Variants in DNAAF5 observed in about 807,000 individuals in gnomAD.
The protein encoded by DNAAF5 is dynein axonemal assembly factor 5.
A neutral mutation model predicts 75.8 loss-of-function variants in DNAAF5; 64 were observed. The ratio of observed to expected loss-of-function variants is 0.84; its 90% confidence interval spans 0.69 to 1.04. The LOEUF is 1.04. DNAAF5 is among the 50% of genes least tolerant of loss of function. The pLI, the probability that DNAAF5 is intolerant of heterozygous loss-of-function variation, is 0.00. For synonymous variants in DNAAF5, 657 were observed against 557.2 expected (o/e 1.18, Z -2.52); for missense variants, 1,269 against 1,178.5 (o/e 1.08, Z -1.12).
rs200806559 is a variant in DNAAF5, at chr7:763,904, C to G, written c.1713C>G (p.Thr571=). The change falls in exon 8 of 13, where the codon ACC becomes ACG. Residue 571 remains threonine, a synonymous_variant. Transcript: ENST00000297440. ...TTGGTCCCCTCCTGGAGCGGGTGACCGCGTCGCACCTTGACTGGACCGCAC... is the reference window on the plus strand; with the variant it reads ...TTGGTCCCCTCCTGGAGCGGGTGACGGCGTCGCACCTTGACTGGACCGCAC... The part of the protein sequence containing the change: ...KHIGPLLERV[T]ASHLDWTAHS... The G allele has an allele frequency of 1.9e-6, 3 of 1,612,216 alleles. No homozygotes were observed. The Admixed American group carries it at 5.0e-5, about 27-fold the overall frequency.
intron 10 of DNAAF5, 48 bp downstream of exon 10, chr7:774,246 A>G (rs777194299): frequency 1.3e-6 from 2 of 1,535,902 alleles, no homozygotes; most frequent in Non-Finnish European, 1.7e-6. Flanking sequence ...GGGACTGCGC[A>G]GGCTTCCTGG....
intron 4 of DNAAF5, among the ~76,000 whole-genome samples, chr7:746,810 T>G (rs1359017519): frequency 6.6e-6 from 1 of 152,188 alleles, no homozygotes; most frequent in Non-Finnish European, 1.5e-5. Flanking sequence ...TGTGGGCATC[T>G]CCACCGCCCA....
chr7:739,577 C>T (rs1000958955), intron 2 of DNAAF5, among the ~76,000 whole-genome samples: 1 of 152,256 alleles, frequency 6.6e-6, no homozygotes, highest in African/African-American at 2.4e-5. Flanking sequence ...CCCTCGCGTG[C>T]TTCCCTGCTG....
At chr7:759,726 C>G (rs753859737) in intron 6 of DNAAF5, among the ~76,000 whole-genome samples, 6 of 152,114 alleles carry the variant, frequency 3.9e-5, no homozygotes, top group Admixed American at 1.3e-4. Flanking sequence ...TCCTCAGAGA[C>G]GGTGCTGCGT....
At chr7:784,600 C>T (rs972476589) in intron 12 of DNAAF5, among the ~76,000 whole-genome samples, 5 of 152,170 alleles carry the variant, frequency 3.3e-5, no homozygotes, top group African/African-American at 1.2e-4. Flanking sequence ...CACCACGAGC[C>T]CCTGACACGT....
chr7:770,915 C>G (rs1375883776), intron 9 of DNAAF5: 2 of 309,608 alleles, frequency 6.5e-6, no homozygotes, highest in Non-Finnish European at 1.2e-5. Context: ...GCAGTGACCC[C>G]TGAGCTTAAC....
chr7:782,605 C>T (rs199817328), intron 12 of DNAAF5, among the ~76,000 whole-genome samples: 6 of 147,716 alleles, frequency 4.1e-5, no homozygotes, highest in Admixed American at 2.0e-4. Flanking sequence ...CGTCCCGTTA[C>T]GCAGCGTCAG....
chr7:779,077 A>C (rs1455828426), intron 11 of DNAAF5, among the ~76,000 whole-genome samples: 1 of 152,248 alleles, frequency 6.6e-6, no homozygotes, highest in East Asian at 1.9e-4. Flanking sequence ...ACTTGTCTCA[A>C]AGCCTGGCTT....
chr7:755,260 G>A lies in DNAAF5; in HGVS notation c.1257+439G>A, dbSNP rs114236459. ...GATGGCACAGCTTCGGGTGTCCTGCGAGTGGTGTCCCTGGTGCAGTCCTCT... is the reference window on the plus strand; with the variant it reads ...GATGGCACAGCTTCGGGTGTCCTGCAAGTGGTGTCCCTGGTGCAGTCCTCT... On this transcript the variant is annotated intron_variant, in intron 5 of 12. Transcript: ENST00000297440. Among the ~76,000 whole-genome samples, 698 of 152,238 alleles carry A rather than the reference G, an allele frequency of 4.6e-3. 4 individuals carry two copies. The highest frequency in any genetic ancestry group is 0.016 in the African/African-American group (657 of 41,542).
At chr7:752,087 G>A (rs1422852420) in intron 4 of DNAAF5, among the ~76,000 whole-genome samples, 1 of 152,210 alleles carries the variant, frequency 6.6e-6, no homozygotes, top group Non-Finnish European at 1.5e-5. Context: ...AGACCGATGA[G>A]CAGAACGAGA....
rs188483832 is a variant in DNAAF5 at position 734,815 on chromosome 7, G to A, written c.780+4968G>A. ...ATCTGTGTAGGTCATATGTGTCTAGGAATTTATCCATTTCTTCTAGGTTTT... is the reference window on the plus strand; with the variant it reads ...ATCTGTGTAGGTCATATGTGTCTAGAAATTTATCCATTTCTTCTAGGTTTT... On this transcript the variant is annotated intron_variant, in intron 2 of 12. Transcript: ENST00000297440. Among the ~76,000 whole-genome samples, 280 of 152,314 alleles carry A rather than the reference G, an allele frequency of 1.8e-3. 5 individuals are homozygous for A. The highest frequency in any genetic ancestry group is 6.0e-4 in the Non-Finnish European group (41 of 68,026).
chr7:781,315 C>T (rs74595016), intron 12 of DNAAF5, among the ~76,000 whole-genome samples: 6,079 of 152,254 alleles, frequency 0.04, 425 homozygotes, highest in African/African-American at 0.14. Flanking sequence ...CTTAACATAG[C>T]GACCTCCACT....
intron 8 of DNAAF5, among the ~76,000 whole-genome samples, chr7:767,355 G>T (rs1408486276): frequency 6.6e-6 from 1 of 151,942 alleles, no homozygotes; most frequent in East Asian, 1.9e-4. Flanking sequence ...GGAAAGCCGT[G>T]GGACGCTGCG....
intron 11 of DNAAF5, among the ~76,000 whole-genome samples, chr7:775,978 A>G (rs987163542): frequency 6.6e-6 from 1 of 152,154 alleles, no homozygotes; most frequent in Non-Finnish European, 1.5e-5. Flanking sequence ...GATTCCTGGA[A>G]CCAAACCCCA....
intron 6 of DNAAF5, among the ~76,000 whole-genome samples, chr7:757,210 C>T (rs1782513344): frequency 6.6e-6 from 1 of 152,250 alleles, no homozygotes; most frequent in Admixed American, 6.5e-5. Context: ...GCCCTTGTTC[C>T]GGGGCCTCGT....
intron 2 of DNAAF5, among the ~76,000 whole-genome samples, chr7:730,405 C>G (rs1054770497): frequency 6.6e-6 from 1 of 152,136 alleles, no homozygotes. Context: ...CTGTGGCCAC[C>G]GGGGAAGCTG....
intron 6 of DNAAF5, among the ~76,000 whole-genome samples, chr7:761,153 AAT>A (rs1258444109): frequency 2.0e-5 from 3 of 152,204 alleles, no homozygotes; most frequent in Non-Finnish European, 4.4e-5. Flanking sequence ...CATTTCACAA[AAT>A]AAGCACAGAT....
At position 754,662 on chromosome 7, in the gene DNAAF5, C is replaced by T. The variant is rs142951273; in HGVS notation, c.1098C>T (p.His366=). The T allele has an allele frequency of 9.3e-6, 15 of 1,614,010 alleles. No individual in the cohort carries two copies. The highest frequency in any genetic ancestry group is 5.3e-5 in the African/African-American group (4 of 74,924). Residue 366 remains histidine, a synonymous_variant, in exon 5 of 13, where the codon CAC becomes CAT. Coordinates refer to ENST00000297440, the MANE Select transcript of DNAAF5 (RefSeq NM_017802.4). This position sits in a 1 kb window ranked among gnomAD's most constrained non-coding sequence, Gnocchi z 4.8. The part of the protein sequence containing the change: ...NLSKILPALC[H]DITDWVVGTR... ...CCAAGATCCTCCCTGCCCTGTGCCACGACATCACCGACTGGGTGGTGGGGA... is the reference window on the plus strand; with the variant it reads ...CCAAGATCCTCCCTGCCCTGTGCCATGACATCACCGACTGGGTGGTGGGGA...
rs1429464408 is a variant in DNAAF5, at chr7:761,778, T to C, written c.1496T>C (p.Leu499Pro). The C allele has an allele frequency of 1.2e-6, 2 of 1,608,598 alleles. No individual in the cohort carries two copies. The highest frequency in any genetic ancestry group is 1.7e-6 in the Non-Finnish European group (2 of 1,177,714). ...GACCTCTACCTGGAGCGCCTGCTGCTGTGTGTGCAGGCTCTGGTGTCTGTG... is the reference window on the plus strand; with the variant it reads ...GACCTCTACCTGGAGCGCCTGCTGCCGTGTGTGCAGGCTCTGGTGTCTGTG... ...ENDLYLERLL[L>P]CVQALVSVCH... Residue 499 changes from leucine to proline, a missense_variant, in exon 7 of 13, where the codon CTG becomes CCG. Coordinates refer to ENST00000297440, the MANE Select transcript of DNAAF5 (RefSeq NM_017802.4).
Sources: gnomAD v4.1 joint callset for allele counts (sites outside exome capture counted in the v4.1 genomes callset) on GRCh38, gnomAD v4.1.1 for gene constraint, Gnocchi (gnomAD v3.1) non-coding constraint, MANE v1.5 for transcripts, NCBI Gene and HGNC (gene_info 2026-07-23, HGNC 2026-07-21) for gene names.